Variants in CDK19 observed in about 807,000 individuals in gnomAD.
CDK19 encodes the protein cyclin-dependent kinase 19.
CDK19 carries 20 observed loss-of-function variants against 68.3 expected under a neutral mutation model. That is an observed-to-expected ratio of 0.29 (90% CI 0.21 to 0.43). The LOEUF (loss-of-function observed/expected upper bound fraction) is 0.43. CDK19 is among the 20% of genes least tolerant of loss of function. The pLI, the probability that CDK19 is intolerant of heterozygous loss-of-function variation, is 1.00. For synonymous variants in CDK19, 221 were observed against 222.8 expected (o/e 0.99, Z 0.07); for missense variants, 339 against 623.5 (o/e 0.54, Z 4.86).
At chr6:110,745,646 A>C (rs1778024763) in intron 2 of CDK19, among the ~76,000 whole-genome samples, 1 of 152,160 alleles carries the variant, frequency 6.6e-6, no homozygotes. Context: ...CATTAAGAGG[A>C]TATTCAAAGA....
intron 1 of CDK19, among the ~76,000 whole-genome samples, chr6:110,771,695 C>A (rs1389395140): frequency 2.0e-5 from 3 of 152,208 alleles, no homozygotes; most frequent in Admixed American, 6.5e-5. Flanking sequence ...AATTTTCCAA[C>A]CTCTTATGCT....
chr6:110,630,340 T>C (rs1227574304), intron 6 of CDK19, among the ~76,000 whole-genome samples: 3 of 152,254 alleles, frequency 2.0e-5, no homozygotes, highest in Non-Finnish European at 4.4e-5. Flanking sequence ...CTGGGTTATC[T>C]GTCATTAACC....
At position 110,612,907 on chromosome 6, in the gene CDK19, T is replaced by C; in HGVS notation, c.*1628A>G. The stretch of plus-strand genomic sequence containing the variant: ...ATAGTGCAAAATGTATACTGGCTTC[T>C]GTCTAATCTTATTTTACTTGTGTAT... On this transcript the variant is annotated 3_prime_UTR_variant, in exon 13 of 13. Transcript: ENST00000368911. The C allele has an allele frequency of 6.5e-6, 1 of 152,680 alleles. No homozygotes were observed. Among genetic ancestry groups the C allele is most frequent in the East Asian group, 1.9e-4 (1 of 5,204 alleles). 9.5% of individuals were successfully genotyped at this position (152,680 alleles called of 1,614,324 possible).
At chr6:110,801,513 TTGTG>T (rs1228081463) in intron 1 of CDK19, among the ~76,000 whole-genome samples, 2 of 150,438 alleles carry the variant, frequency 1.3e-5, no homozygotes, top group Non-Finnish European at 2.9e-5. Flanking sequence ...ACAGGTTTTT[TTGTG>T]TGTTTTTTTT....
In CDK19 at chr6:110,611,102, C is replaced by T. The variant is rs1255163217; in HGVS notation, c.*3433G>A. The T allele has an allele frequency of 6.6e-6, 1 of 152,218 alleles. No individual in the cohort carries two copies. Among genetic ancestry groups the T allele is most frequent in the Non-Finnish European group, 1.5e-5 (1 of 68,042 alleles). 9.4% of individuals were successfully genotyped at this position (152,218 alleles called of 1,614,324 possible). A position where few individuals can be genotyped will look rare whatever the true frequency, so the allele number is the denominator to read the frequency against. On this transcript the variant is annotated 3_prime_UTR_variant, in exon 13 of 13. Transcript: ENST00000368911. ...TGGTCTTTGTATGTCACTGCATGATCTACTTCATCACAAGGATTGTTTCAG... is the reference window on the plus strand; with the variant it reads ...TGGTCTTTGTATGTCACTGCATGATTTACTTCATCACAAGGATTGTTTCAG...
chr6:110,733,240 TTAA>T (rs1430241764), intron 2 of CDK19, among the ~76,000 whole-genome samples: 1 of 152,360 alleles, frequency 6.6e-6, no homozygotes, highest in African/African-American at 2.4e-5. Context: ...TTTATTTAAA[TTAA>T]TGTTTCTGAG....
chr6:110,735,644 T>C (rs949224936), intron 2 of CDK19, among the ~76,000 whole-genome samples: 3 of 152,198 alleles, frequency 2.0e-5, no homozygotes, highest in African/African-American at 7.2e-5. Context: ...AAAAAACAGG[T>C]TGCACAGACT....
At position 110,613,453 on chromosome 6, in the gene CDK19, C is replaced by T. The variant is rs554199366; in HGVS notation, c.*1082G>A. The T allele has an allele frequency of 7.9e-4, 120 of 152,600 alleles. No individual in the cohort carries two copies. The highest frequency in any genetic ancestry group is 7.1e-4 in the Non-Finnish European group (48 of 68,000). The allele number at this position is 152,600 out of a possible 1,614,324, so 9.5% of individuals were successfully genotyped here. A position where few individuals can be genotyped will look rare whatever the true frequency, so the allele number is the denominator to read the frequency against. ...AGTCACTCTATATCTAATACAAATA[C>T]GAATGGAGAACACTGCTCTTTATTT... is the stretch of plus-strand genomic sequence containing the variant. On this transcript the variant is annotated 3_prime_UTR_variant, in exon 13 of 13. Coordinates refer to ENST00000368911, the MANE Select transcript of CDK19 (RefSeq NM_015076.5).
chr6:110,734,035 T>C (rs1416516969), intron 2 of CDK19, among the ~76,000 whole-genome samples: 1 of 152,122 alleles, frequency 6.6e-6, no homozygotes, highest in Non-Finnish European at 1.5e-5. Context: ...TTTTGTTTGT[T>C]TTTTTGAGAC....
intron 2 of CDK19, among the ~76,000 whole-genome samples, chr6:110,701,727 T>C (rs532143622): frequency 2.6e-4 from 40 of 152,108 alleles, no homozygotes; most frequent in Non-Finnish European, 4.9e-4. Context: ...ACTGATCAGA[T>C]TGGGAAAAAT....
intron 12 of CDK19, among the ~76,000 whole-genome samples, chr6:110,618,357 T>TCCTGACCTCAGGTGATCCACCCG (rs1778480166): frequency 6.6e-6 from 1 of 152,186 alleles, no homozygotes; most frequent in Non-Finnish European, 1.5e-5. Flanking sequence ...GGTCTTGAAC[T>TCCTGACCTCAGGTGATCCACCCG]CCTGACCTCA....
In CDK19 at chr6:110,621,733, G is replaced by A. The variant is rs1351087607; in HGVS notation, c.1110+355C>T. 6.6e-6 allele frequency among the ~76,000 whole-genome samples: 1 copy of A among 152,218 alleles called. No individual in the cohort carries two copies. Among genetic ancestry groups the A allele is most frequent in the Non-Finnish European group, 1.5e-5 (1 of 68,034 alleles). On this transcript the variant is annotated intron_variant, in intron 11 of 12. Coordinates refer to ENST00000368911, the MANE Select transcript of CDK19 (RefSeq NM_015076.5). The surrounding 1 kb of genome is among the most constrained non-coding windows in gnomAD (Gnocchi z 5.4). The stretch of plus-strand genomic sequence containing the variant: ...TGATTCTGGAAAGGCAGAGCGGTCT[G>A]GAGAGTGAGCCAATATATCCAGTTA...
chr6:110,726,640 T>C lies in CDK19; in HGVS notation c.204+19486A>G, dbSNP rs117858284. On this transcript the variant is annotated intron_variant, in intron 2 of 12. Transcript: ENST00000368911. ...TAATTTTATCTGTTAACAAAAAAAC[T>C]ATATTTTTGTTAATAGCAAACAAAA... is the stretch of plus-strand genomic sequence containing the variant. 7.2e-5 allele frequency among the ~76,000 whole-genome samples: 11 copies of C among 152,292 alleles called. No homozygotes were observed. The East Asian group carries it at 1.9e-3, about 27-fold the overall frequency.
At chr6:110,777,549 T>C (rs1780494961) in intron 1 of CDK19, among the ~76,000 whole-genome samples, 1 of 152,174 alleles carries the variant, frequency 6.6e-6, no homozygotes, top group African/African-American at 2.4e-5. Context: ...GGCAGGAGCA[T>C]AAAATGGTGC....
At chr6:110,645,921 C>A (rs1780537116) in intron 4 of CDK19, 2 of 946,770 alleles carry the variant, frequency 2.1e-6, no homozygotes, top group African/African-American at 3.2e-5. Flanking sequence ...GCCGGGACAG[C>A]AGGTGCAGGA....
At chr6:110,625,632 G>C (rs997694166) in intron 8 of CDK19, among the ~76,000 whole-genome samples, 3 of 152,106 alleles carry the variant, frequency 2.0e-5, no homozygotes, top group African/African-American at 7.2e-5. Context: ...AACTGAGTAA[G>C]ATACATATTG....
chr6:110,783,531 C>A (rs1419920111), intron 1 of CDK19, among the ~76,000 whole-genome samples: 1 of 150,974 alleles, frequency 6.6e-6, no homozygotes, highest in African/African-American at 2.4e-5. Context: ...CCAGCTTCTC[C>A]AAAGGCTGAG....
Position 110,815,275 on chromosome 6 carries a change from C to T in CDK19, c.-139G>A. On this transcript the variant is annotated 5_prime_UTR_variant, in exon 1 of 13. Coordinates refer to ENST00000368911, the MANE Select transcript of CDK19 (RefSeq NM_015076.5). Reference sequence around the variant, plus strand: ...CGCGCGCGCCGCCCGCCGCCCGCCGCTCCGCGGTCCGCCTTCAGCAAGGGA... The same window carrying T: ...CGCGCGCGCCGCCCGCCGCCCGCCGTTCCGCGGTCCGCCTTCAGCAAGGGA... 4 of 999,354 alleles carry T rather than the reference C, an allele frequency of 4.0e-6. No homozygotes were observed. The highest frequency in any genetic ancestry group is 2.6e-5 in the South Asian group (1 of 39,066). The allele number at this position is 999,354 out of a possible 1,614,324, so 61.9% of individuals were successfully genotyped here.
intron 12 of CDK19, among the ~76,000 whole-genome samples, chr6:110,614,878 A>G (rs914535128): frequency 1.2e-4 from 18 of 152,308 alleles, no homozygotes; most frequent in African/African-American, 4.1e-4. Context: ...CAGGCATGAA[A>G]TTTGGCTAGA....
Sources: gnomAD v4.1 joint callset for allele counts (sites outside exome capture counted in the v4.1 genomes callset) on GRCh38, gnomAD v4.1.1 for gene constraint, Gnocchi (gnomAD v3.1) non-coding constraint, MANE v1.5 for transcripts, NCBI Gene and HGNC (gene_info 2026-07-23, HGNC 2026-07-21) for gene names.